The following ZHX2 variants were observed in gnomAD, a reference collection of about 807,000 sequenced individuals.
ZHX2 encodes zinc fingers and homeoboxes 2.
In ZHX2, 6 loss-of-function variants were observed where a neutral mutation model predicts 21.9. That is an observed-to-expected ratio of 0.27 (90% confidence interval 0.15 to 0.54). The LOEUF (loss-of-function observed/expected upper bound fraction) is 0.54. Ranked by LOEUF, ZHX2 falls within the 20% of genes least tolerant of loss-of-function variation. The pLI is 0.95. For missense variants in ZHX2, 908 were observed against 1,090.7 expected, an observed-to-expected ratio of 0.83 and a Z score of 2.36; for synonymous variants, 434 against 437.1, an observed-to-expected ratio of 0.99 and a Z score of 0.09.
chr8:122,970,948 C>T (rs1813705156), intron 3 of ZHX2, among the ~76,000 whole-genome samples: 1 of 152,164 alleles, frequency 6.6e-6, no homozygotes, highest in African/African-American at 2.4e-5. Flanking sequence ...ATGACCTGGA[C>T]CCAAAATAGG....
intron 2 of ZHX2, among the ~76,000 whole-genome samples, chr8:122,907,288 A>G (rs1209669682): frequency 6.6e-6 from 1 of 152,206 alleles, no homozygotes; most frequent in Non-Finnish European, 1.5e-5. Context: ...GACATCAATC[A>G]GCATATGTAA....
intron 1 of ZHX2, among the ~76,000 whole-genome samples, chr8:122,811,151 G>T (rs896187880): frequency 6.6e-6 from 1 of 152,124 alleles, no homozygotes; most frequent in African/African-American, 2.4e-5. Context: ...AGGCTGAGGT[G>T]GGTGGATTGC....
At chr8:122,967,680 G>A (rs1468621430) in intron 3 of ZHX2, among the ~76,000 whole-genome samples, 1 of 152,236 alleles carries the variant, frequency 6.6e-6, no homozygotes, top group Non-Finnish European at 1.5e-5. Flanking sequence ...TGGTTAGCCA[G>A]GATGTTGCAG....
rs529608881 is a variant in ZHX2 at position 122,954,485 on chromosome 8, T to C, written c.*4+457T>C. Among the ~76,000 whole-genome samples the C allele has an allele frequency of 3.3e-5, 5 of 152,260 alleles. No homozygotes were observed. The South Asian group carries it at 1.0e-3, about 32-fold the overall frequency. ...ACCACACCCAACTAATATTTTAATA[T>C]TTTGGTAGAGACGGGGTCTCACTTT... On this transcript the variant is annotated intron_variant, in intron 3 of 3. Transcript: ENST00000314393.
intron 2 of ZHX2, among the ~76,000 whole-genome samples, chr8:122,927,381 G>C (rs890704625): frequency 1.3e-5 from 2 of 152,168 alleles, no homozygotes; most frequent in East Asian, 3.8e-4. Context: ...TATAATCCCA[G>C]ATACTTGGGA....
In ZHX2 at chr8:122,953,163, T is replaced by G; in HGVS notation, c.1653T>G (p.Ser551Arg). The change falls in exon 3 of 4, where the codon AGT (serine) becomes AGG (arginine). Residue 551 changes from serine to arginine, a missense_variant. Ser to Arg is a moderately radical substitution (Grantham distance 110). Coordinates refer to ENST00000314393, the MANE Select transcript of ZHX2 (RefSeq NM_014943.5). The surrounding 1 kb of genome is among the most constrained non-coding windows in gnomAD (Gnocchi z 4.6). ...TCTTGGAAGACAGCTTTTTGAAAAGTTCTTTTCCTACCCAAGCAGAACTGG... is the reference window on the plus strand; with the variant it reads ...TCTTGGAAGACAGCTTTTTGAAAAGGTCTTTTCCTACCCAAGCAGAACTGG... The part of the protein sequence containing the change: ...VKILEDSFLK[S>R]SFPTQAELDR... The G allele has an allele frequency of 6.2e-7, 1 of 1,613,666 alleles. No individual in the cohort carries two copies. Among genetic ancestry groups the G allele is most frequent in the Non-Finnish European group, 8.5e-7 (1 of 1,179,992 alleles).
intron 2 of ZHX2, among the ~76,000 whole-genome samples, chr8:122,887,358 CA>C (rs1052549626): frequency 2.0e-4 from 29 of 143,070 alleles, no homozygotes; most frequent in African/African-American, 2.8e-4. Context: ...TCTAAAAATA[CA>C]AAAAAAAAAG....
At chr8:122,934,073 C>T (rs538497205) in intron 2 of ZHX2, among the ~76,000 whole-genome samples, 2 of 152,286 alleles carry the variant, frequency 1.3e-5, no homozygotes, top group East Asian at 1.9e-4. Flanking sequence ...ATTTATTGCA[C>T]GTTTGCAGGT....
intron 1 of ZHX2, among the ~76,000 whole-genome samples, chr8:122,845,672 G>A (rs1242066017): frequency 1.3e-5 from 2 of 152,262 alleles, no homozygotes; most frequent in Non-Finnish European, 2.9e-5. Flanking sequence ...TAAAGGTGCT[G>A]CACTTTGCAG....
chr8:122,910,792 G>A (rs550517675), intron 2 of ZHX2, among the ~76,000 whole-genome samples: 21 of 152,104 alleles, frequency 1.4e-4, no homozygotes, highest in Non-Finnish European at 2.6e-4. Flanking sequence ...CAGGGGCAAG[G>A]GAATGGGATC....
At chr8:122,833,605 G>GGAGTC (rs1339702147) in intron 1 of ZHX2, among the ~76,000 whole-genome samples, 102 of 152,250 alleles carry the variant, frequency 6.7e-4, no homozygotes, top group African/African-American at 2.4e-3. Flanking sequence ...GGGTTGATGC[G>GGAGTC]TTGGGTACTA....
chr8:122,791,634 G>A (rs755286970), intron 1 of ZHX2, among the ~76,000 whole-genome samples: 3 of 152,210 alleles, frequency 2.0e-5, no homozygotes, highest in Non-Finnish European at 4.4e-5. Flanking sequence ...GGAGGCCGAG[G>A]CCGGTAGATC....
rs1489630572 is a variant in ZHX2 at position 122,808,198 on chromosome 8, AT to A, written c.-283+26253del. Among the ~76,000 whole-genome samples the A allele has an allele frequency of 9.2e-5, 14 of 152,354 alleles. No individual in the cohort carries two copies. In the East Asian group the frequency reaches 2.7e-3, roughly 29 times the overall value. On this transcript the variant is annotated intron_variant, in intron 1 of 3. Coordinates refer to ENST00000314393, the MANE Select transcript of ZHX2 (RefSeq NM_014943.5). Reference sequence around the variant, plus strand: ...ACTTAGATGTGAGCACCAGATTTATATATATGTATGCCTCAGGTCAACTTCA... The same window carrying A: ...ACTTAGATGTGAGCACCAGATTTATAATATGTATGCCTCAGGTCAACTTCA...
intron 2 of ZHX2, among the ~76,000 whole-genome samples, chr8:122,944,563 G>A (rs1812922163): frequency 6.6e-6 from 1 of 151,496 alleles, no homozygotes; most frequent in Non-Finnish European, 1.5e-5. Flanking sequence ...AAAACCTCAA[G>A]TGGCCCCGCT....
At chr8:122,960,254 TG>T (rs1813409896) in intron 3 of ZHX2, among the ~76,000 whole-genome samples, 1 of 152,092 alleles carries the variant, frequency 6.6e-6, no homozygotes, top group African/African-American at 2.4e-5. Flanking sequence ...AAAGAGGTAA[TG>T]GGGCCAGGCA....
chr8:122,809,596 C>T (rs764956234), intron 1 of ZHX2, among the ~76,000 whole-genome samples: 19 of 152,140 alleles, frequency 1.2e-4, no homozygotes, highest in Non-Finnish European at 1.8e-4. Context: ...CATAATCCCA[C>T]GCTGGTATTT....
intron 2 of ZHX2, among the ~76,000 whole-genome samples, chr8:122,899,870 A>G (rs1457552373): frequency 2.0e-5 from 3 of 152,228 alleles, no homozygotes; most frequent in African/African-American, 7.2e-5. Flanking sequence ...GCATGCTCAT[A>G]ATCTCATGCT....
Position 122,868,093 on chromosome 8 carries a change from G to T in ZHX2, c.-220+4554G>T, listed in dbSNP as rs151229510. Among the ~76,000 whole-genome samples, 15 of 152,160 alleles carry T rather than the reference G, an allele frequency of 9.9e-5. 1 individual carries two copies. The South Asian group carries it at 3.1e-3, about 32-fold the overall frequency. ...TGTGACACGATTGAGCCTTTTAGCG[G>T]GTTTCTCTAGTACAGACTGAGTCAT... On this transcript the variant is annotated intron_variant, in intron 2 of 3. Transcript: ENST00000314393.
chr8:122,922,498 T>C (rs1820764386), intron 2 of ZHX2, among the ~76,000 whole-genome samples: 1 of 152,154 alleles, frequency 6.6e-6, no homozygotes, highest in Non-Finnish European at 1.5e-5. Flanking sequence ...TCTGAGAAAC[T>C]GTTAGGTCTC....
Sources: gnomAD v4.1 joint callset for allele counts (sites outside exome capture counted in the v4.1 genomes callset) on GRCh38, gnomAD v4.1.1 for gene constraint, Gnocchi (gnomAD v3.1) non-coding constraint, MANE v1.5 for transcripts, NCBI Gene and HGNC (gene_info 2026-07-23, HGNC 2026-07-21) for gene names.